CLIP4: variants seen among roughly 807,000 people sequenced by gnomAD.
The protein encoded by CLIP4 is CAP-Gly domain containing linker protein family member 4.
CLIP4 carries 47 observed loss-of-function variants against 73.1 expected under a neutral mutation model. The observed-to-expected ratio is 0.64, with a 90% CI of 0.51 to 0.82. The LOEUF (loss-of-function observed/expected upper bound fraction) is 0.82, where lower values mean the gene tolerates loss of function less well. CLIP4 is among the 40% of genes least tolerant of loss of function. The probability of loss-of-function intolerance (pLI) is 0.00; values close to 1 mark genes in which losing one functional copy is unlikely to be tolerated. For missense variants in CLIP4, 874 were observed against 852.9 expected (o/e 1.02, Z -0.31); for synonymous variants, 306 against 295.4 (o/e 1.04, Z -0.37).
chr2:29,133,344 G>A (rs1230364862), intron 4 of CLIP4, among the ~76,000 whole-genome samples: 3 of 152,128 alleles, frequency 2.0e-5, no homozygotes, highest in Non-Finnish European at 2.9e-5. Context: ...GATCTGCTGT[G>A]TTGTTGTTGA....
chr2:29,166,520 T>TACAC (rs1373292575), intron 13 of CLIP4, among the ~76,000 whole-genome samples: 1 of 121,632 alleles, frequency 8.2e-6, no homozygotes, highest in Non-Finnish European at 1.8e-5. Context: ...GTTAATCACA[T>TACAC]ACACACACAG....
chr2:29,166,698 A>G (rs894066115), intron 13 of CLIP4, among the ~76,000 whole-genome samples: 2 of 152,172 alleles, frequency 1.3e-5, no homozygotes, highest in Admixed American at 6.5e-5. Flanking sequence ...TCAAATATCC[A>G]TTCTCTTCAT....
chr2:29,107,998 T>G (rs1169976738), intron 1 of CLIP4, among the ~76,000 whole-genome samples: 1 of 152,092 alleles, frequency 6.6e-6, no homozygotes, highest in Non-Finnish European at 1.5e-5. Context: ...GAGTTTCTTT[T>G]TTTTTTTTAA....
chr2:29,172,271 C>G (rs966558103), intron 14 of CLIP4, among the ~76,000 whole-genome samples: 1 of 152,034 alleles, frequency 6.6e-6, no homozygotes, highest in Non-Finnish European at 1.5e-5. Context: ...AGTGTCTTTA[C>G]TCATTAACCC....
intron 6 of CLIP4, among the ~76,000 whole-genome samples, chr2:29,136,657 G>A (rs1665384732): frequency 6.6e-6 from 1 of 152,092 alleles, no homozygotes; most frequent in South Asian, 2.1e-4. Flanking sequence ...AACAGGGGGT[G>A]ACATCTAAAT....
chr2:29,180,444 T>C (rs1304716840), intron 15 of CLIP4, among the ~76,000 whole-genome samples: 2 of 152,168 alleles, frequency 1.3e-5, no homozygotes, highest in African/African-American at 4.8e-5. Context: ...CTGTAAGGAA[T>C]GTTATGTTGT....
At chr2:29,167,870 T>C (rs956606694) in intron 14 of CLIP4, 3 of 187,510 alleles carry the variant, frequency 1.6e-5, no homozygotes, top group African/African-American at 2.3e-5. Flanking sequence ...ATAAATAATA[T>C]GTGTTCAGTT....
intron 14 of CLIP4, among the ~76,000 whole-genome samples, chr2:29,168,886 T>C (rs1667811591): frequency 6.6e-6 from 1 of 152,148 alleles, no homozygotes; most frequent in Admixed American, 6.6e-5. Flanking sequence ...TCTTATATTG[T>C]TTTCTAAAAG....
intron 1 of CLIP4, among the ~76,000 whole-genome samples, chr2:29,108,732 A>C (rs1186294873): frequency 6.6e-6 from 1 of 152,268 alleles, no homozygotes; most frequent in East Asian, 1.9e-4. Context: ...GTACTTCAGT[A>C]TGGATGTCTA....
At chr2:29,153,860 C>T (rs1666744848) in intron 9 of CLIP4, among the ~76,000 whole-genome samples, 1 of 152,142 alleles carries the variant, frequency 6.6e-6, no homozygotes, top group Non-Finnish European at 1.5e-5. Flanking sequence ...GGAAAACCTC[C>T]TATCTCATTC....
intron 9 of CLIP4, 136 bp from the exon 10 acceptor site, chr2:29,156,218 G>T: frequency 1.7e-6 from 1 of 573,314 alleles, no homozygotes. Flanking sequence ...GTCCTCATAT[G>T]TCTGTGCAGT....
At position 29,170,788 on chromosome 2, in the gene CLIP4, C is replaced by T. The variant is rs112217471; in HGVS notation, c.1723+3248C>T. On this transcript the variant is annotated intron_variant, in intron 14 of 15. Coordinates refer to ENST00000320081, the MANE Select transcript of CLIP4 (RefSeq NM_024692.6). ...TAATTTTTGGGTAAGATGTGAGGGT[C>T]TGTGTCTAGATTTTTTTTTTTCACA... 6.1e-3 allele frequency among the ~76,000 whole-genome samples: 930 copies of T among 151,796 alleles called. 7 individuals carry two copies. Among genetic ancestry groups the T allele is most frequent in the Non-Finnish European group, 9.7e-3 (657 of 67,910 alleles).
intron 14 of CLIP4, among the ~76,000 whole-genome samples, chr2:29,172,273 C>T (rs1287526379): frequency 4.6e-5 from 7 of 152,048 alleles, no homozygotes; most frequent in Non-Finnish European, 8.8e-5. Context: ...TGTCTTTACT[C>T]ATTAACCCTC....
intron 8 of CLIP4, 91 bp from the exon 9 acceptor site, chr2:29,152,594 A>G: frequency 7.3e-7 from 1 of 1,362,510 alleles, no homozygotes; most frequent in East Asian, 2.4e-5. Flanking sequence ...AAAGGTTTAT[A>G]TTAAAGATTT....
chr2:29,152,055 T>C (rs1666608551), intron 8 of CLIP4, among the ~76,000 whole-genome samples: 1 of 152,206 alleles, frequency 6.6e-6, no homozygotes, highest in Non-Finnish European at 1.5e-5. Context: ...AGATTTATTT[T>C]ATCCCTGCTA....
chr2:29,124,367 G>A (rs6737607), intron 2 of CLIP4, among the ~76,000 whole-genome samples: 83,131 of 151,978 alleles, frequency 0.55, 24,300 homozygotes, highest in South Asian at 0.73. Context: ...TTCTCTAGAT[G>A]TAATGTCTTT....
At chr2:29,166,427 C>T (rs762718465) in intron 13 of CLIP4, among the ~76,000 whole-genome samples, 14 of 151,842 alleles carry the variant, frequency 9.2e-5, no homozygotes, top group African/African-American at 1.2e-4. Context: ...GCCTAACTTT[C>T]ACTTATTTAA....
At chr2:29,136,185 G>GTTTT (rs746326403) in intron 6 of CLIP4, among the ~76,000 whole-genome samples, 1 of 146,220 alleles carries the variant, frequency 6.8e-6, no homozygotes, top group Non-Finnish European at 1.5e-5. Flanking sequence ...ATTTGTTGTT[G>GTTTT]TTGTTTTTTT....
At chr2:29,142,273 G>A (rs1413241482) in intron 6 of CLIP4, among the ~76,000 whole-genome samples, 4 of 151,482 alleles carry the variant, frequency 2.6e-5, no homozygotes, top group South Asian at 2.1e-4. Context: ...GGAAGATATC[G>A]TCATTGTTAT....
Sources: gnomAD v4.1 joint callset for allele counts (sites outside exome capture counted in the v4.1 genomes callset) on GRCh38, gnomAD v4.1.1 for gene constraint, MANE v1.5 for transcripts, NCBI Gene and HGNC (gene_info 2026-07-23, HGNC 2026-07-21) for gene names.